The following ARFGEF3 variants were observed in gnomAD, a reference collection of about 807,000 sequenced individuals.
ARFGEF3 encodes the protein ARFGEF family member 3.
In ARFGEF3, 96 loss-of-function variants were observed where a neutral mutation model predicts 221.7. That is an observed-to-expected ratio of 0.43 (90% CI 0.37 to 0.51). The LOEUF (loss-of-function observed/expected upper bound fraction) is 0.51, where lower values mean the gene tolerates loss of function less well. ARFGEF3 is among the 20% of genes least tolerant of loss of function. The pLI, the probability that ARFGEF3 is intolerant of heterozygous loss-of-function variation, is 0.00. For synonymous variants in ARFGEF3, 1,145 were observed against 1,126.8 expected (o/e 1.02, Z -0.32); for missense variants, 2,410 against 2,789.9 (o/e 0.86, Z 3.07).
chr6:138,278,862 C>T (rs1156302493), intron 13 of ARFGEF3, among the ~76,000 whole-genome samples: 3 of 152,138 alleles, frequency 2.0e-5, no homozygotes, highest in Non-Finnish European at 4.4e-5. Flanking sequence ...AGTGTATGGA[C>T]GTGAGGCTCT....
chr6:138,333,950 C>G lies in ARFGEF3; in HGVS notation c.5124-20C>G. 3 of 1,586,314 alleles carry G rather than the reference C, an allele frequency of 1.9e-6. No homozygotes were observed. Among genetic ancestry groups the G allele is most frequent in the South Asian group, 2.3e-5 (2 of 88,240 alleles). ...ATAGGGCAGAAAACCATTAATCGAG[C>G]CCTCTCTTTTCACTTGAAGCGTGTC... On this transcript the variant is annotated intron_variant, in intron 32 of 33. Coordinates refer to ENST00000251691, the MANE Select transcript of ARFGEF3 (RefSeq NM_020340.5).
At chr6:138,221,744 C>A (rs1454264775) in intron 4 of ARFGEF3, among the ~76,000 whole-genome samples, 3 of 152,044 alleles carry the variant, frequency 2.0e-5, no homozygotes, top group Non-Finnish European at 4.4e-5. Flanking sequence ...TGATGAATAT[C>A]AATAACTTAT....
At chr6:138,239,537 T>C (rs1778354020) in intron 6 of ARFGEF3, among the ~76,000 whole-genome samples, 1 of 151,260 alleles carries the variant, frequency 6.6e-6, no homozygotes, top group South Asian at 2.1e-4. Context: ...TAATCCCAGC[T>C]ACTTGGGAGG....
intron 4 of ARFGEF3, 62 bp downstream of exon 4, chr6:138,210,103 A>G (rs188823726): frequency 9.7e-6 from 15 of 1,548,708 alleles, no homozygotes; most frequent in Non-Finnish European, 1.2e-5. Context: ...GATCCCCTGC[A>G]CTTGTTATCT....
At chr6:138,184,535 G>A (rs926306284) in intron 2 of ARFGEF3, among the ~76,000 whole-genome samples, 10 of 152,240 alleles carry the variant, frequency 6.6e-5, no homozygotes, top group Non-Finnish European at 1.3e-4. Flanking sequence ...AAGGGCAGAT[G>A]AGACTATGGA....
intron 19 of ARFGEF3, among the ~76,000 whole-genome samples, chr6:138,292,804 A>G (rs1295741687): frequency 6.6e-6 from 1 of 152,222 alleles, no homozygotes; most frequent in Non-Finnish European, 1.5e-5. Flanking sequence ...AGCTGCACTG[A>G]GGCTCAATTT....
chr6:138,298,555 TCTCA>T, intron 21 of ARFGEF3, 47 bp from the exon 22 acceptor site: 1 of 1,502,636 alleles, frequency 6.7e-7, no homozygotes, highest in Non-Finnish European at 9.1e-7. Context: ...CAGAAACCAT[TCTCA>T]CTGTCTGCTG....
intron 4 of ARFGEF3, among the ~76,000 whole-genome samples, chr6:138,215,691 AAGGAGGGGTAAAACT>A (rs1408662454): frequency 6.6e-6 from 1 of 152,080 alleles, no homozygotes; most frequent in Non-Finnish European, 1.5e-5. Flanking sequence ...GTCACAGGCT[AAGGAGGGGTAAAACT>A]AGGAGTGGCT....
At chr6:138,268,344 G>A (rs1294746455) in intron 12 of ARFGEF3, among the ~76,000 whole-genome samples, 2 of 152,104 alleles carry the variant, frequency 1.3e-5, no homozygotes, top group Non-Finnish European at 2.9e-5. Context: ...GATGTCAAAA[G>A]CTTCAAACCT....
At chr6:138,251,956 A>C (rs1424527150) in intron 8 of ARFGEF3, among the ~76,000 whole-genome samples, 1 of 152,146 alleles carries the variant, frequency 6.6e-6, no homozygotes, top group African/African-American at 2.4e-5. Flanking sequence ...CTTGGTCAAA[A>C]GCATAGGGAA....
intron 2 of ARFGEF3, among the ~76,000 whole-genome samples, chr6:138,199,810 A>G (rs978722567): frequency 6.6e-6 from 1 of 152,190 alleles, no homozygotes; most frequent in Non-Finnish European, 1.5e-5. Context: ...AAACGATCAT[A>G]CCATCAGCAA....
intron 2 of ARFGEF3, among the ~76,000 whole-genome samples, chr6:138,185,864 G>A (rs1036897032): frequency 6.6e-6 from 1 of 152,140 alleles, no homozygotes; most frequent in African/African-American, 2.4e-5. Context: ...ACCAATTATG[G>A]CGTATTGTTC....
chr6:138,239,205 T>G (rs1161102373), intron 6 of ARFGEF3, among the ~76,000 whole-genome samples: 1 of 152,212 alleles, frequency 6.6e-6, no homozygotes, highest in Admixed American at 6.5e-5. Flanking sequence ...TATATTATCT[T>G]CTGGGAATGT....
intron 4 of ARFGEF3, among the ~76,000 whole-genome samples, chr6:138,214,885 A>G (rs1247678553): frequency 1.3e-5 from 2 of 152,222 alleles, no homozygotes; most frequent in Non-Finnish European, 2.9e-5. Context: ...TTTAACAGGA[A>G]GGGGAGAAAA....
chr6:138,245,039 T>A (rs1286773897), intron 7 of ARFGEF3, among the ~76,000 whole-genome samples: 1 of 152,202 alleles, frequency 6.6e-6, no homozygotes, highest in African/African-American at 2.4e-5. Context: ...CGGTGGTTCA[T>A]GTCTGTAATC....
Position 138,336,562 on chromosome 6 carries a change from C to T in ARFGEF3, c.*76C>T. The T allele has an allele frequency of 8.2e-7, 1 of 1,215,290 alleles. No individual in the cohort carries two copies. Among genetic ancestry groups the T allele is most frequent in the South Asian group, 1.6e-5 (1 of 64,072 alleles). 75.3% of individuals were successfully genotyped at this position (1,215,290 alleles called of 1,614,324 possible). On this transcript the variant is annotated 3_prime_UTR_variant, in exon 34 of 34. Coordinates refer to ENST00000251691, the MANE Select transcript of ARFGEF3 (RefSeq NM_020340.5). ...CCTGCCAATACAGCTGTTGCATTTT[C>T]CCCACCACTAGCCCCACTTAAACTA...
chr6:138,212,546 A>G (rs1286361835), intron 4 of ARFGEF3, among the ~76,000 whole-genome samples: 9 of 152,244 alleles, frequency 5.9e-5, no homozygotes, highest in Admixed American at 1.3e-4. Context: ...AAAGGATTAT[A>G]AATCATGCTA....
Position 138,255,809 on chromosome 6 carries a change from G to A in ARFGEF3, c.1104+40G>A, listed in dbSNP as rs527409244. 47 of 1,442,636 alleles carry A rather than the reference G, an allele frequency of 3.3e-5. No homozygotes were observed. The South Asian group carries it at 5.8e-4, about 18-fold the overall frequency. The allele number at this position is 1,442,636 out of a possible 1,614,324, so 89.4% of individuals were successfully genotyped here. On this transcript the variant is annotated intron_variant, in intron 10 of 33. Coordinates refer to ENST00000251691, the MANE Select transcript of ARFGEF3 (RefSeq NM_020340.5). ...GAGATCGCCACCAGGTTTACAAGGG[G>A]GCCTGACCAGCGTTTCGCATACAAG...
At chr6:138,308,482 C>G (rs573721440) in intron 23 of ARFGEF3, among the ~76,000 whole-genome samples, 72 of 152,320 alleles carry the variant, frequency 4.7e-4, no homozygotes, top group Admixed American at 1.5e-3. Context: ...TGGTTCCCTG[C>G]TCTATAGACC....
Sources: gnomAD v4.1 joint callset for allele counts (sites outside exome capture counted in the v4.1 genomes callset) on GRCh38, gnomAD v4.1.1 for gene constraint, MANE v1.5 for transcripts, NCBI Gene and HGNC (gene_info 2026-07-23, HGNC 2026-07-21) for gene names.